Variants in BCR observed in about 807,000 individuals in gnomAD.
The protein encoded by BCR is BCR activator of RhoGEF and GTPase.
BCR carries 58 observed loss-of-function variants against 138.6 expected under a neutral mutation model. The observed-to-expected ratio is 0.42, with a 90% CI of 0.34 to 0.52. BCR has a LOEUF of 0.52. BCR is among the 20% of genes least tolerant of loss of function. The pLI, the probability that BCR is intolerant of heterozygous loss-of-function variation, is 0.06. For missense variants in BCR, 1,599 were observed against 1,727.2 expected (o/e 0.93, Z 1.32); for synonymous variants, 786 against 730.1 (o/e 1.08, Z -1.23).
In BCR at chr22:23,265,950, T is replaced by C. The variant is rs1269276343; in HGVS notation, c.1753-2458T>C. Among the ~76,000 whole-genome samples, 16 of 152,236 alleles carry C rather than the reference T, an allele frequency of 1.1e-4. 1 individual carries two copies. ...TTCCCCCAAGTTAACAATTACATTC[T>C]TCACAGCTGTTTTCATTCTCTGATT... On this transcript the variant is annotated intron_variant, in intron 4 of 22. Transcript: ENST00000305877.
intron 10 of BCR, among the ~76,000 whole-genome samples, chr22:23,285,471 T>C (rs987114200): frequency 2.0e-5 from 3 of 152,212 alleles, no homozygotes; most frequent in African/African-American, 7.2e-5. Context: ...GGTCGTGGTC[T>C]CTACAGTGCG....
intron 1 of BCR, among the ~76,000 whole-genome samples, chr22:23,205,487 G>A (rs1366548608): frequency 6.6e-6 from 1 of 152,128 alleles, no homozygotes; most frequent in South Asian, 2.1e-4. Context: ...TTGGCTTTGT[G>A]CTTTGTAAGG....
Position 23,206,438 on chromosome 22 carries a change from G to A in BCR, c.1279+24199G>A, listed in dbSNP as rs771362127. On this transcript the variant is annotated intron_variant, in intron 1 of 22. Coordinates refer to ENST00000305877, the MANE Select transcript of BCR (RefSeq NM_004327.4). ...AAATACAAAAAAAAAGTAGCCGGGC[G>A]TGGTGGCGGGCACCTGTAATCCCAG... 8.5e-5 allele frequency among the ~76,000 whole-genome samples: 13 copies of A among 152,108 alleles called. No homozygotes were observed. The South Asian group carries it at 1.7e-3, about 19-fold the overall frequency.
chr22:23,297,207 G>GTTTTGTTTTT (rs2073854485), intron 16 of BCR, among the ~76,000 whole-genome samples: 1 of 97,382 alleles, frequency 1.0e-5, no homozygotes, highest in African/African-American at 4.9e-5. Flanking sequence ...TGGCTAAGTT[G>GTTTTGTTTTT]TTTTTTGTTT....
chr22:23,262,727 G>T, intron 4 of BCR: 2 of 712,222 alleles, frequency 2.8e-6, no homozygotes, highest in Non-Finnish European at 3.4e-6. Flanking sequence ...GGGTGAGGGC[G>T]GGGGCGGAGA....
At chr22:23,188,680 C>T (rs1254533726) in intron 1 of BCR, among the ~76,000 whole-genome samples, 2 of 151,980 alleles carry the variant, frequency 1.3e-5, no homozygotes, top group Non-Finnish European at 2.9e-5. Context: ...GGTCAAGACT[C>T]GGGGTGGTGG....
In BCR at chr22:23,272,318, C is replaced by T. The variant is rs375482249; in HGVS notation, c.1921+726C>T. Among the ~76,000 whole-genome samples, 69 of 152,280 alleles carry T rather than the reference C, an allele frequency of 4.5e-4. No individual in the cohort carries two copies. In the South Asian group the frequency reaches 0.013, roughly 28 times the overall value. ...TACACTTGCAAAGAACAGCAGCCCC[C>T]GGAGCTTTGTCCTCCAAGCCTCAGT... On this transcript the variant is annotated intron_variant, in intron 6 of 22. Coordinates refer to ENST00000305877, the MANE Select transcript of BCR (RefSeq NM_004327.4).
chr22:23,230,108 C>G (rs1042389666), intron 1 of BCR, among the ~76,000 whole-genome samples: 4 of 150,352 alleles, frequency 2.7e-5, no homozygotes, highest in Admixed American at 6.6e-5. Context: ...ACTCTAGTGC[C>G]CATGCTGGGA....
chr22:23,264,253 C>T (rs1210322246), intron 4 of BCR: 30 of 945,624 alleles, frequency 3.2e-5, no homozygotes, highest in Middle Eastern at 4.2e-4. Context: ...TTCCCGCTGA[C>T]GTCGACCCGC....
intron 1 of BCR, among the ~76,000 whole-genome samples, chr22:23,225,156 A>C (rs2072874537): frequency 6.6e-6 from 1 of 150,794 alleles, no homozygotes; most frequent in African/African-American, 2.4e-5. Flanking sequence ...TATTTGAGAC[A>C]GGAGAACCGG....
At chr22:23,224,865 G>A (rs776852972) in intron 1 of BCR, among the ~76,000 whole-genome samples, 2 of 152,156 alleles carry the variant, frequency 1.3e-5, no homozygotes, top group Non-Finnish European at 2.9e-5. Context: ...CTGGGCGACA[G>A]AGCAAGACTC....
chr22:23,243,932 G>A (rs1049757538), intron 1 of BCR, among the ~76,000 whole-genome samples: 10 of 152,226 alleles, frequency 6.6e-5, no homozygotes, highest in Admixed American at 3.9e-4. Flanking sequence ...ATGAGCCACC[G>A]TGCCCGGCTC....
chr22:23,233,113 T>C (rs1047941464), intron 1 of BCR, among the ~76,000 whole-genome samples: 4 of 152,198 alleles, frequency 2.6e-5, no homozygotes, highest in Non-Finnish European at 5.9e-5. Context: ...TGCCTTCTGT[T>C]GTGTCCTGGG....
At position 23,205,738 on chromosome 22, in the gene BCR, G is replaced by A. The variant is rs149669918; in HGVS notation, c.1279+23499G>A. On this transcript the variant is annotated intron_variant, in intron 1 of 22. Transcript: ENST00000305877. ...AGTAACTAATTTTATGTTTGTGGCTGAGAGGCAAAATCGATGCTACTTTGT... is the reference window on the plus strand; with the variant it reads ...AGTAACTAATTTTATGTTTGTGGCTAAGAGGCAAAATCGATGCTACTTTGT... Among the ~76,000 whole-genome samples, 261 of 151,876 alleles carry A rather than the reference G, an allele frequency of 1.7e-3. 1 individual carries two copies. Among genetic ancestry groups the A allele is most frequent in the African/African-American group, 5.7e-3 (235 of 41,364 alleles).
chr22:23,204,885 G>C (rs1028436035), intron 1 of BCR, among the ~76,000 whole-genome samples: 1 of 152,226 alleles, frequency 6.6e-6, no homozygotes, highest in African/African-American at 2.4e-5. Context: ...AGGAGGCCTG[G>C]TAGTGCCAGC....
intron 8 of BCR, among the ~76,000 whole-genome samples, chr22:23,281,281 T>G (rs904154583): frequency 6.6e-6 from 1 of 152,158 alleles, no homozygotes; most frequent in Non-Finnish European, 1.5e-5. Flanking sequence ...TTGCCCTAGT[T>G]GAGATGCTGA....
At chr22:23,234,942 T>A (rs967671489) in intron 1 of BCR, among the ~76,000 whole-genome samples, 1 of 143,608 alleles carries the variant, frequency 7.0e-6, no homozygotes, top group Non-Finnish European at 1.6e-5. Context: ...CCTACCATGC[T>A]TAGAGGAGTC....
chr22:23,273,875 A>C, intron 8 of BCR, 101 bp downstream of exon 8: 1 of 1,504,962 alleles, frequency 6.6e-7, no homozygotes, highest in South Asian at 1.2e-5. Flanking sequence ...GGTCCTCAGC[A>C]GACCTTGCCT....
At chr22:23,236,222 G>T (rs2073021360) in intron 1 of BCR, among the ~76,000 whole-genome samples, 1 of 152,140 alleles carries the variant, frequency 6.6e-6, no homozygotes, top group Non-Finnish European at 1.5e-5. Flanking sequence ...CTTAAGACAG[G>T]TTCCTCAAAC....
Sources: gnomAD v4.1 joint callset for allele counts (sites outside exome capture counted in the v4.1 genomes callset) on GRCh38, gnomAD v4.1.1 for gene constraint, MANE v1.5 for transcripts, NCBI Gene and HGNC (gene_info 2026-07-23, HGNC 2026-07-21) for gene names.